The following ADAM7 variants were observed in gnomAD, a reference collection of about 807,000 sequenced individuals.
The protein encoded by ADAM7 is ADAM metallopeptidase domain 7, also known as disintegrin and metalloproteinase domain-containing protein 7.
ADAM7 carries 97 observed loss-of-function variants against 102.9 expected under a neutral mutation model. The ratio of observed to expected loss-of-function variants is 0.94; its 90% CI spans 0.80 to 1.12. The LOEUF is 1.12. Ranked by LOEUF, ADAM7 falls within the 50% of genes most tolerant of loss-of-function variation. The pLI, the probability that ADAM7 is intolerant of heterozygous loss-of-function variation, is 0.00. For synonymous variants in ADAM7, 334 were observed against 304.4 expected (o/e 1.10, Z -1.01); for missense variants, 991 against 908.7 (o/e 1.09, Z -1.16).
chr8:24,486,403 C>T (rs933936743), intron 10 of ADAM7, among the ~76,000 whole-genome samples: 19 of 152,140 alleles, frequency 1.2e-4, no homozygotes, highest in African/African-American at 4.6e-4. Context: ...GATTGTATAG[C>T]ATTGTTGTGC....
intron 1 of ADAM7, among the ~76,000 whole-genome samples, chr8:24,441,710 G>C (rs1405630465): frequency 6.6e-6 from 1 of 152,134 alleles, no homozygotes; most frequent in African/African-American, 2.4e-5. Flanking sequence ...ACTGATGCAG[G>C]GCTACCCAAA....
intron 3 of ADAM7, among the ~76,000 whole-genome samples, chr8:24,447,955 C>T (rs954290681): frequency 3.6e-5 from 5 of 138,284 alleles, no homozygotes; most frequent in African/African-American, 1.4e-4. Context: ...CACACACACA[C>T]ACACACACAC....
chr8:24,496,511 C>T (rs1413637470), intron 16 of ADAM7, among the ~76,000 whole-genome samples: 1 of 152,306 alleles, frequency 6.6e-6, no homozygotes, highest in East Asian at 1.9e-4. Flanking sequence ...TCAATGTCAG[C>T]CCATGGAAGC....
chr8:24,461,867 C>T (rs1299989672), intron 3 of ADAM7, among the ~76,000 whole-genome samples: 1 of 152,188 alleles, frequency 6.6e-6, no homozygotes, highest in Non-Finnish European at 1.5e-5. Flanking sequence ...CACAGTTCTA[C>T]ATTTTTGCAT....
chr8:24,462,099 C>T (rs1319284786), intron 3 of ADAM7, among the ~76,000 whole-genome samples: 5 of 152,164 alleles, frequency 3.3e-5, no homozygotes, highest in African/African-American at 4.8e-5. Context: ...AATTCTGTTA[C>T]GTTCTGCTGA....
chr8:24,492,214 G>C lies in ADAM7; in HGVS notation c.1552+116G>C, dbSNP rs1820383493. On this transcript the variant is annotated intron_variant, in intron 14 of 21. Transcript: ENST00000175238. ...AATGTCATTTGTGGCATTATTCCAA[G>C]ATATTGCTTAGCATTTCTCTGGATA... 4 of 1,055,430 alleles carry C rather than the reference G, an allele frequency of 3.8e-6. No homozygotes were observed. The South Asian group carries it at 6.5e-5, about 17-fold the overall frequency. The allele number at this position is 1,055,430 out of a possible 1,614,324, so 65.4% of individuals were successfully genotyped here.
Position 24,500,906 on chromosome 8 carries a change from A to AT in ADAM7, c.2108+16dup. On this transcript the variant is annotated intron_variant, in intron 19 of 21. Coordinates refer to ENST00000175238, the MANE Select transcript of ADAM7 (RefSeq NM_003817.4). Reference sequence around the variant, plus strand: ...GAAGCAAGTTCAGAGGTACATTTACATTTTTCTATGTGTTGAAGAAGGGAA... The same window carrying AT: ...GAAGCAAGTTCAGAGGTACATTTACATTTTTTCTATGTGTTGAAGAAGGGAA... 6.3e-7 allele frequency: 1 copy of AT among 1,590,698 alleles called. No homozygotes were observed. The highest frequency in any genetic ancestry group is 8.6e-7 in the Non-Finnish European group (1 of 1,159,740).
chr8:24,488,148 T>C (rs1820208032), intron 11 of ADAM7, among the ~76,000 whole-genome samples: 2 of 152,202 alleles, frequency 1.3e-5, no homozygotes, highest in Admixed American at 6.5e-5. Context: ...ATAACTGTAC[T>C]CTTCTGCTGG....
In ADAM7 at chr8:24,508,605, A is replaced by G. The variant is rs1206070421; in HGVS notation, c.*59A>G. ...GCTTAGGCTGGGGATTCTGGATGCA[A>G]CGTCTTTACAACCTTACCTAGATAT... On this transcript the variant is annotated 3_prime_UTR_variant, in exon 22 of 22. Transcript: ENST00000175238. 2.5e-6 allele frequency: 4 copies of G among 1,612,886 alleles called. No individual in the cohort carries two copies. The highest frequency in any genetic ancestry group is 3.4e-6 in the Non-Finnish European group (4 of 1,179,400).
intron 3 of ADAM7, among the ~76,000 whole-genome samples, chr8:24,455,199 CAT>C (rs1341332866): frequency 6.6e-6 from 1 of 152,136 alleles, no homozygotes; most frequent in Admixed American, 6.5e-5. Flanking sequence ...TACCCGCTAA[CAT>C]ATACATATAC....
intron 2 of ADAM7, among the ~76,000 whole-genome samples, chr8:24,445,767 T>C (rs1240366248): frequency 1.3e-5 from 2 of 152,226 alleles, no homozygotes; most frequent in African/African-American, 2.4e-5. Flanking sequence ...AGGTTGAACA[T>C]GATTTACTCC....
intron 3 of ADAM7, among the ~76,000 whole-genome samples, chr8:24,463,601 T>A (rs1819324730): frequency 6.6e-6 from 1 of 152,172 alleles, no homozygotes; most frequent in South Asian, 2.1e-4. Context: ...GATCTCTGAT[T>A]TTTGCTTAGA....
At chr8:24,451,735 T>G (rs1818798831) in intron 3 of ADAM7, among the ~76,000 whole-genome samples, 2 of 151,134 alleles carry the variant, frequency 1.3e-5, no homozygotes, top group South Asian at 4.3e-4. Flanking sequence ...CTTTTAATTG[T>G]GATGTTAGGG....
At chr8:24,456,632 A>AT (rs71212541) in intron 3 of ADAM7, among the ~76,000 whole-genome samples, 32 of 137,006 alleles carry the variant, frequency 2.3e-4, no homozygotes, top group Admixed American at 5.1e-4. Context: ...TGTCCTGGGA[A>AT]TTTTTTTTTT....
Position 24,487,265 on chromosome 8 carries a change from G to T in ADAM7, c.1039G>T (p.Glu347Ter). The change falls in exon 11 of 22, where the codon GAG (glutamate) becomes TAG (stop). Residue 347 changes from glutamate to a stop codon, truncating the protein, a stop_gained. Coordinates refer to ENST00000175238, the MANE Select transcript of ADAM7 (RefSeq NM_003817.4). LOFTEE classifies it high-confidence loss of function. ...LGHNLGMQHD[E>*]FPCTCPSGKC... ...GCATAACCTTGGGATGCAGCATGAC[G>T]AGTTCCCATGCACCTGTCCTTCAGG... 6.2e-7 allele frequency: 1 copy of T among 1,613,880 alleles called. No homozygotes were observed. The highest frequency in any genetic ancestry group is 1.1e-5 in the South Asian group (1 of 91,072).
intron 19 of ADAM7, 43 bp from the exon 20 acceptor site, chr8:24,501,434 C>A (rs748706673): frequency 3.6e-6 from 5 of 1,400,764 alleles, no homozygotes; most frequent in African/African-American, 1.4e-5. Context: ...ACCTGAATAG[C>A]CCTATATCTA....
intron 11 of ADAM7, among the ~76,000 whole-genome samples, 158 bp downstream of exon 11, chr8:24,487,475 C>T (rs1462642914): frequency 4.0e-5 from 6 of 151,774 alleles, no homozygotes; most frequent in Non-Finnish European, 7.4e-5. Flanking sequence ...GGAGAAACCC[C>T]ATCTCTACTA....
intron 7 of ADAM7, 148 bp downstream of exon 7, chr8:24,468,968 G>C (rs1286716571): frequency 7.5e-6 from 5 of 671,002 alleles, no homozygotes; most frequent in East Asian, 2.9e-5. Flanking sequence ...ACATACATAA[G>C]AGATTATGGG....
At chr8:24,471,088 A>T (rs1819586421) in intron 7 of ADAM7, among the ~76,000 whole-genome samples, 1 of 152,118 alleles carries the variant, frequency 6.6e-6, no homozygotes, top group Non-Finnish European at 1.5e-5. Context: ...TAACAAAAAA[A>T]GTTTGAAAAG....
Sources: gnomAD v4.1 joint callset for allele counts (sites outside exome capture counted in the v4.1 genomes callset) on GRCh38, gnomAD v4.1.1 for gene constraint, MANE v1.5 for transcripts, NCBI Gene and HGNC (gene_info 2026-07-23, HGNC 2026-07-21) for gene names.